Variants in MACROD2 observed in about 807,000 individuals in gnomAD.
MACROD2 encodes the protein mono-ADP ribosylhydrolase 2.
A neutral mutation model predicts 70.4 loss-of-function variants in MACROD2; 36 were observed. The ratio of observed to expected loss-of-function variants is 0.51; its 90% CI spans 0.39 to 0.68. The LOEUF (loss-of-function observed/expected upper bound fraction) is 0.68. Among genes scored for constraint, MACROD2 ranks in the 30% least tolerant of loss-of-function variants. MACROD2 has a pLI of 0.00. For synonymous variants in MACROD2, 172 were observed against 178.8 expected (o/e 0.96, Z 0.30); for missense variants, 496 against 538.4 (o/e 0.92, Z 0.78).
intron 5 of MACROD2, among the ~76,000 whole-genome samples, chr20:14,781,539 G>A (rs1279631276): frequency 6.0e-5 from 9 of 149,446 alleles, no homozygotes; most frequent in Non-Finnish European, 1.2e-4. Context: ...GGAGTGATTG[G>A]GATTCTGAAG....
chr20:14,706,660 G>T (rs569811558), intron 5 of MACROD2, among the ~76,000 whole-genome samples: 1 of 152,004 alleles, frequency 6.6e-6, no homozygotes, highest in East Asian at 1.9e-4. Context: ...ACTGCAACCA[G>T]CCCGGCTGGG....
chr20:14,181,963 A>G (rs1347106635), intron 3 of MACROD2, among the ~76,000 whole-genome samples: 1 of 152,126 alleles, frequency 6.6e-6, no homozygotes, highest in African/African-American at 2.4e-5. Context: ...TGTTTGCAAG[A>G]TTTTGTGTGG....
chr20:14,890,556 C>A (rs2073742072), intron 5 of MACROD2, among the ~76,000 whole-genome samples: 1 of 151,812 alleles, frequency 6.6e-6, no homozygotes, highest in African/African-American at 2.4e-5. Flanking sequence ...TCTCTTGAGG[C>A]CAGTAGTTTG....
At position 14,587,554 on chromosome 20, in the gene MACROD2, A is replaced by G. The variant is rs929450445; in HGVS notation, c.301+94046A>G. Among the ~76,000 whole-genome samples, 2 of 151,950 alleles carry G rather than the reference A, an allele frequency of 1.3e-5. 1 individual carries two copies. ...TAAGTTCCAGGGAGAAATCTTTTTC[A>G]GATTAAGTAGATTTATTTTTATTTC... On this transcript the variant is annotated intron_variant, in intron 4 of 17. Coordinates refer to ENST00000684519, the MANE Select transcript of MACROD2 (RefSeq NM_001351661.2).
intron 4 of MACROD2, among the ~76,000 whole-genome samples, chr20:14,579,075 T>TA (rs1980811892): frequency 6.6e-6 from 1 of 150,578 alleles, no homozygotes; most frequent in African/African-American, 2.4e-5. Context: ...TTGCCCATAT[T>TA]AAAAAACATA....
At chr20:14,018,570 A>T (rs2053024822) in intron 2 of MACROD2, among the ~76,000 whole-genome samples, 2 of 151,856 alleles carry the variant, frequency 1.3e-5, no homozygotes, top group Admixed American at 1.3e-4. Context: ...TTTATCTCTT[A>T]AGTTATTTCT....
chr20:15,153,004 C>T (rs545742742), intron 5 of MACROD2, among the ~76,000 whole-genome samples: 33 of 152,022 alleles, frequency 2.2e-4, no homozygotes, highest in Non-Finnish European at 4.0e-4. Flanking sequence ...GGCCGCTTAC[C>T]GGATTTGAAA....
intron 6 of MACROD2, among the ~76,000 whole-genome samples, chr20:15,263,086 T>A (rs1046020027): frequency 3.3e-5 from 5 of 152,252 alleles, no homozygotes; most frequent in African/African-American, 1.2e-4. Context: ...TGTCTGTGCT[T>A]GTGGGGTATT....
chr20:14,111,770 G>T (rs1199579202), intron 3 of MACROD2, among the ~76,000 whole-genome samples: 1 of 151,934 alleles, frequency 6.6e-6, no homozygotes, highest in Non-Finnish European at 1.5e-5. Context: ...GGGAATGTAA[G>T]CTAGTACAAT....
At chr20:14,495,809 G>T (rs939745264) in intron 4 of MACROD2, among the ~76,000 whole-genome samples, 1 of 152,094 alleles carries the variant, frequency 6.6e-6, no homozygotes, top group Non-Finnish European at 1.5e-5. Context: ...ACTTCCTCTA[G>T]ATGGTTGATT....
intron 5 of MACROD2, chr20:15,021,633 T>C (rs892530370): frequency 6.6e-6 from 1 of 151,888 alleles, no homozygotes; most frequent in Non-Finnish European, 1.5e-5. Context: ...ATTCCAATTT[T>C]AGTATATGTG....
At chr20:15,269,141 C>A (rs2077323309) in intron 6 of MACROD2, among the ~76,000 whole-genome samples, 1 of 152,226 alleles carries the variant, frequency 6.6e-6, no homozygotes, top group Non-Finnish European at 1.5e-5. Context: ...TAAATCACTG[C>A]CTTCACAATT....
chr20:15,686,118 G>C (rs1409822476), intron 8 of MACROD2, among the ~76,000 whole-genome samples: 1 of 152,192 alleles, frequency 6.6e-6, no homozygotes, highest in Non-Finnish European at 1.5e-5. Flanking sequence ...ACAATGAGAT[G>C]ATTGATGGAC....
At chr20:15,623,579 A>T (rs899799062) in intron 8 of MACROD2, among the ~76,000 whole-genome samples, 2 of 152,164 alleles carry the variant, frequency 1.3e-5, no homozygotes, top group African/African-American at 4.8e-5. Flanking sequence ...AGCTAGATTC[A>T]CAGATATGGG....
intron 4 of MACROD2, among the ~76,000 whole-genome samples, chr20:14,505,698 T>C (rs1277135760): frequency 6.6e-6 from 1 of 152,208 alleles, no homozygotes; most frequent in Non-Finnish European, 1.5e-5. Context: ...TCCATGAATT[T>C]GCATTTCTAA....
intron 5 of MACROD2, among the ~76,000 whole-genome samples, chr20:14,727,868 A>C (rs1478744321): frequency 6.6e-6 from 1 of 152,108 alleles, no homozygotes; most frequent in Non-Finnish European, 1.5e-5. Flanking sequence ...AGATATTATT[A>C]TTACTTTTCC....
chr20:15,806,582 G>A (rs1052782395), intron 8 of MACROD2, among the ~76,000 whole-genome samples: 1 of 152,038 alleles, frequency 6.6e-6, no homozygotes, highest in African/African-American at 2.4e-5. Flanking sequence ...GCATTTCACA[G>A]CTGGACCTTA....
Position 15,013,088 on chromosome 20 carries a change from C to A in MACROD2, c.419-216852C>A, listed in dbSNP as rs150313442. ...TATTAGTTTTCTGGCTGTCCAGGGT[C>A]TACTCATCTTACTTGCTGAGTAGAA... On this transcript the variant is annotated intron_variant, in intron 5 of 17. Coordinates refer to ENST00000684519, the MANE Select transcript of MACROD2 (RefSeq NM_001351661.2). Among the ~76,000 whole-genome samples, 116 of 152,262 alleles carry A rather than the reference C, an allele frequency of 7.6e-4. 1 individual carries two copies. Among genetic ancestry groups the A allele is most frequent in the African/African-American group, 2.5e-3 (105 of 41,562 alleles).
chr20:15,424,085 C>T (rs542262116), intron 6 of MACROD2, among the ~76,000 whole-genome samples: 58 of 152,202 alleles, frequency 3.8e-4, no homozygotes, highest in African/African-American at 1.3e-3. Context: ...GGCCTCCACC[C>T]TCATGACCTA....
Sources: gnomAD v4.1 joint callset for allele counts (sites outside exome capture counted in the v4.1 genomes callset) on GRCh38, gnomAD v4.1.1 for gene constraint, MANE v1.5 for transcripts, NCBI Gene and HGNC (gene_info 2026-07-23, HGNC 2026-07-21) for gene names.